SARS1: variants seen among roughly 807,000 people sequenced by gnomAD.
The protein encoded by SARS1 is seryl-tRNA synthetase 1, also known as serine--tRNA ligase, cytoplasmic.
In SARS1, 25 loss-of-function variants were observed where a neutral mutation model predicts 63.7. The observed-to-expected ratio is 0.39, with a 90% CI of 0.29 to 0.55. The LOEUF is 0.55. Ranked by LOEUF, SARS1 falls within the 20% of genes least tolerant of loss-of-function variation. The pLI is 0.62. For synonymous variants in SARS1, 231 were observed against 243.5 expected (o/e 0.95, Z 0.48); for missense variants, 417 against 649.7 (o/e 0.64, Z 3.89).
At position 109,220,540 on chromosome 1, in the gene SARS1, T is replaced by C. The variant is rs144791696; in HGVS notation, c.137-3438T>C. Among the ~76,000 whole-genome samples, 351 of 152,380 alleles carry C rather than the reference T, an allele frequency of 2.3e-3. 1 individual carries two copies. Among genetic ancestry groups the C allele is most frequent in the African/African-American group, 8.1e-3 (338 of 41,600 alleles). Reference sequence around the variant, plus strand: ...ATTTTGAGAAGTATCTGTTCAAGCCTTTTGACCAATTTTTATTTGTCCTTT... The same window carrying C: ...ATTTTGAGAAGTATCTGTTCAAGCCCTTTGACCAATTTTTATTTGTCCTTT... On this transcript the variant is annotated intron_variant, in intron 1 of 10. Transcript: ENST00000234677.
intron 1 of SARS1, among the ~76,000 whole-genome samples, chr1:109,219,594 C>G (rs1021522392): frequency 6.6e-6 from 1 of 151,180 alleles, no homozygotes; most frequent in Non-Finnish European, 1.5e-5. Context: ...CTCACTGCAA[C>G]CTCCGCCTCC....
rs1655215109 is a variant in SARS1 at position 109,231,723 on chromosome 1, C to T, written c.684C>T (p.Phe228=). 13 of 1,599,642 alleles carry T rather than the reference C, an allele frequency of 8.1e-6. No individual in the cohort carries two copies. Among genetic ancestry groups the T allele is most frequent in the Non-Finnish European group, 1.1e-5 (13 of 1,173,880 alleles). ...RGYIPIYTPF[F]MRKEVMQEVA... ...ACATTCCCATTTATACCCCCTTTTT[C>T]ATGAGGAAGGAGGTCATGCAGGAGG... The change falls in exon 6 of 11, where the codon TTC becomes TTT. Residue 228 remains phenylalanine, a synonymous_variant. Coordinates refer to ENST00000234677, the MANE Select transcript of SARS1 (RefSeq NM_006513.4).
chr1:109,236,247 G>A, intron 8 of SARS1, 141 bp downstream of exon 8: 1 of 1,282,344 alleles, frequency 7.8e-7, no homozygotes, highest in African/African-American at 1.5e-5. Context: ...CTTCTCACTT[G>A]GGAGTATTTG....
intron 1 of SARS1, among the ~76,000 whole-genome samples, chr1:109,218,084 T>C (rs1224320916): frequency 2.0e-5 from 3 of 150,282 alleles, no homozygotes; most frequent in African/African-American, 7.4e-5. Flanking sequence ...TCCCAGCTAC[T>C]CGGGTGGCTG....
intron 3 of SARS1, 97 bp from the exon 4 acceptor site, chr1:109,229,317 A>T (rs1424045534): frequency 1.6e-6 from 2 of 1,247,806 alleles, no homozygotes; most frequent in Non-Finnish European, 2.2e-6. Flanking sequence ...CACAAGGGCT[A>T]TCTTTAGAGC....
intron 1 of SARS1, among the ~76,000 whole-genome samples, chr1:109,219,662 A>G (rs1273573651): frequency 1.3e-5 from 2 of 151,644 alleles, no homozygotes; most frequent in African/African-American, 2.4e-5. Flanking sequence ...ACAGGCACCC[A>G]CCACCATGCC....
At chr1:109,233,400 C>A (rs1655246600) in intron 6 of SARS1, among the ~76,000 whole-genome samples, 1 of 152,140 alleles carries the variant, frequency 6.6e-6, no homozygotes, top group African/African-American at 2.4e-5. Context: ...TGAATGGCCC[C>A]ACAGTGGCTA....
chr1:109,230,491 G>A (rs1297349459), intron 4 of SARS1, among the ~76,000 whole-genome samples: 1 of 152,186 alleles, frequency 6.6e-6, no homozygotes, highest in Non-Finnish European at 1.5e-5. Context: ...AGTTTGGAAA[G>A]ATGGAGGTTG....
intron 1 of SARS1, among the ~76,000 whole-genome samples, chr1:109,222,764 C>A (rs2101189822): frequency 6.6e-6 from 1 of 152,270 alleles, no homozygotes; most frequent in South Asian, 2.1e-4. Flanking sequence ...AATTCTAGCA[C>A]TTTGGGAGGC....
rs1322638187 is a variant in SARS1 at position 109,231,033 on chromosome 1, G to A, written c.591+12G>A. The A allele has an allele frequency of 6.9e-7, 1 of 1,453,288 alleles. No individual in the cohort carries two copies. Among genetic ancestry groups the A allele is most frequent in the Non-Finnish European group, 9.1e-7 (1 of 1,103,524 alleles). The allele number at this position is 1,453,288 out of a possible 1,614,324, so 90.0% of individuals were successfully genotyped here. A position where few individuals can be genotyped will look rare whatever the true frequency, so the allele number is the denominator to read the frequency against. ...GGTACTTCTTGAAGGTAAGAGCTGG[G>A]AACCAGTGAGGATAGGATTATGAAA... On this transcript the variant is annotated intron_variant, in intron 5 of 10. Transcript: ENST00000234677.
In SARS1 at chr1:109,229,444, C is replaced by A. The variant is rs375548086; in HGVS notation, c.319C>A (p.Arg107=). The change falls in exon 4 of 11, where the codon CGA becomes AGA. Residue 107 remains arginine, a synonymous_variant. Coordinates refer to ENST00000234677, the MANE Select transcript of SARS1 (RefSeq NM_006513.4). ...GAAAGTCTCACAAATCAAAAAAGTC[C>A]GACTCCTCATTGATGAAGCCATCCT... ...NLKVSQIKKV[R]LLIDEAILKC... is the part of the protein sequence containing the mutation. The A allele has an allele frequency of 1.9e-6, 3 of 1,613,986 alleles. No individual in the cohort carries two copies. The highest frequency in any genetic ancestry group is 2.5e-6 in the Non-Finnish European group (3 of 1,180,022).
In SARS1 at chr1:109,236,125, T is replaced by C. The variant is rs1378597605; in HGVS notation, c.1099+19T>C. 6.2e-6 allele frequency: 10 copies of C among 1,604,504 alleles called. No homozygotes were observed. The highest frequency in any genetic ancestry group is 8.5e-6 in the Non-Finnish European group (10 of 1,176,110). On this transcript the variant is annotated intron_variant, in intron 8 of 10. Transcript: ENST00000234677. Reference sequence around the variant, plus strand: ...GTCTCAGGTATGGGACCCAGCCTCTTCTCAGCCTCCCTTTCCTGTAATCCC... The same window carrying C: ...GTCTCAGGTATGGGACCCAGCCTCTCCTCAGCCTCCCTTTCCTGTAATCCC...
At position 109,224,065 on chromosome 1, in the gene SARS1, A is replaced by G. The variant is rs2182598; in HGVS notation, c.207+17A>G. The G allele has an allele frequency of 1.3e-6, 2 of 1,577,586 alleles. No individual in the cohort carries two copies. Among genetic ancestry groups the G allele is most frequent in the South Asian group, 1.1e-5 (1 of 90,332 alleles). On this transcript the variant is annotated intron_variant, in intron 2 of 10. Transcript: ENST00000234677. ...AAAATGAAGGTAAGAGAACTGAATA[A>G]CAAACAGCCATGAGAACTTGAGCGG...
At position 109,236,120 on chromosome 1, in the gene SARS1, C is replaced by A; in HGVS notation, c.1099+14C>A. ...ATATTGTCTCAGGTATGGGACCCAG[C>A]CTCTTCTCAGCCTCCCTTTCCTGTA... On this transcript the variant is annotated intron_variant, in intron 8 of 10. Transcript: ENST00000234677. The A allele has an allele frequency of 1.2e-6, 2 of 1,606,444 alleles. No individual in the cohort carries two copies. Among genetic ancestry groups the A allele is most frequent in the Non-Finnish European group, 8.5e-7 (1 of 1,176,782 alleles).
intron 3 of SARS1, among the ~76,000 whole-genome samples, chr1:109,228,835 A>G (rs1283955836): frequency 3.3e-5 from 5 of 152,226 alleles, no homozygotes; most frequent in African/African-American, 4.8e-5. Context: ...CCCTTAACAT[A>G]TAGCAAGAAC....
At chr1:109,215,013 C>T (rs1654752694) in intron 1 of SARS1, 1 of 985,466 alleles carries the variant, frequency 1.0e-6, no homozygotes, top group South Asian at 4.7e-5. Flanking sequence ...AATAGGTCTG[C>T]AACCATCTGG....
rs1279527407 is a variant in SARS1 at position 109,237,718 on chromosome 1, T to C, written c.1388-13T>C. The C allele has an allele frequency of 1.2e-6, 2 of 1,613,390 alleles. No homozygotes were observed. Among genetic ancestry groups the C allele is most frequent in the Non-Finnish European group, 1.7e-6 (2 of 1,179,718 alleles). On this transcript the variant is annotated splice_polypyrimidine_tract_variant and intron_variant, in intron 10 of 10. Coordinates refer to ENST00000234677, the MANE Select transcript of SARS1 (RefSeq NM_006513.4). The surrounding 1 kb of genome is among the most constrained non-coding windows in gnomAD (Gnocchi z 4.1). ...AGAAACAACAGGTCATTTGGTTGGC[T>C]CTTCCCTCCCAGGACTGCAAGAACT... is the stretch of plus-strand genomic sequence containing the variant.
intron 1 of SARS1, chr1:109,215,361 T>C: frequency 1.0e-6 from 1 of 985,468 alleles, no homozygotes; most frequent in Non-Finnish European, 1.2e-6. Context: ...TAGCCAGTGC[T>C]AAATGACTTT....
At position 109,214,751 on chromosome 1, in the gene SARS1, G is replaced by T; in HGVS notation, c.136+623G>T. ...CCGTGGTAGATCAAACGCGAGGGGA[G>T]TGAGGAGGCGAGCAAAAGATTGTAA... On this transcript the variant is annotated intron_variant, in intron 1 of 10. Coordinates refer to ENST00000234677, the MANE Select transcript of SARS1 (RefSeq NM_006513.4). The surrounding 1 kb of genome is among the most constrained non-coding windows in gnomAD (Gnocchi z 4.6). The T allele has an allele frequency of 1.0e-6, 1 of 985,474 alleles. No individual in the cohort carries two copies. Among genetic ancestry groups the T allele is most frequent in the South Asian group, 4.7e-5 (1 of 21,296 alleles). The allele number at this position is 985,474 out of a possible 1,614,324, so 61.0% of individuals were successfully genotyped here. A position where few individuals can be genotyped will look rare whatever the true frequency, so the allele number is the denominator to read the frequency against.
Sources: allele counts gnomAD v4.1 joint callset (sites outside exome capture counted in the v4.1 genomes callset), GRCh38; gene constraint gnomAD v4.1.1; non-coding constraint Gnocchi (gnomAD v3.1); transcripts MANE v1.5; gene names NCBI Gene and HGNC (gene_info 2026-07-23, HGNC 2026-07-21).